ATXN1: variants seen among roughly 807,000 people sequenced by gnomAD.
The protein encoded by ATXN1 is ataxin 1.
ATXN1 carries 8 observed loss-of-function variants against 56.4 expected under a neutral mutation model. That is an observed-to-expected ratio of 0.14 (90% CI 0.08 to 0.26). ATXN1 has a LOEUF of 0.26. Among genes scored for constraint, ATXN1 ranks in the 10% least tolerant of loss-of-function variants. The pLI is 1.00. For missense variants in ATXN1, 987 were observed against 1,106.5 expected (o/e 0.89, Z 1.53); for synonymous variants, 514 against 494.6 (o/e 1.04, Z -0.52).
At chr6:16,566,014 C>T (rs139083950) in intron 4 of ATXN1, among the ~76,000 whole-genome samples, 27 of 152,102 alleles carry the variant, frequency 1.8e-4, no homozygotes, top group African/African-American at 6.3e-4. Context: ...AACTGCATGA[C>T]TCTGGATGGT....
At chr6:16,642,928 T>C (rs6928290) in intron 3 of ATXN1, among the ~76,000 whole-genome samples, 9,091 of 152,320 alleles carry the variant, frequency 0.06, 515 homozygotes, top group African/African-American at 0.14. Flanking sequence ...TGTGATTTGC[T>C]GTATTGCAAT....
At chr6:16,364,155 C>T (rs960366106) in intron 6 of ATXN1, among the ~76,000 whole-genome samples, 10 of 151,696 alleles carry the variant, frequency 6.6e-5, no homozygotes, top group African/African-American at 2.4e-4. Flanking sequence ...ATTTTCATTA[C>T]ACTAAACCAT....
chr6:16,300,310 G>A lies in ATXN1; in HGVS notation c.*6019C>T, dbSNP rs1421238157. 6.6e-6 allele frequency: 1 copy of A among 152,580 alleles called. No individual in the cohort carries two copies. Among genetic ancestry groups the A allele is most frequent in the African/African-American group, 2.4e-5 (1 of 41,418 alleles). 9.5% of individuals were successfully genotyped at this position (152,580 alleles called of 1,614,324 possible). A position where few individuals can be genotyped will look rare whatever the true frequency, so the allele number is the denominator to read the frequency against. ...AAATGCACTTAATTTTAATACAGTT[G>A]AACCATTTGTATGCAAGTCATGGGG... On this transcript the variant is annotated 3_prime_UTR_variant, in exon 8 of 8. Coordinates refer to ENST00000436367, the MANE Select transcript of ATXN1 (RefSeq NM_001128164.2).
At chr6:16,345,578 G>A (rs1761363835) in intron 6 of ATXN1, among the ~76,000 whole-genome samples, 2 of 152,150 alleles carry the variant, frequency 1.3e-5, no homozygotes, top group East Asian at 1.9e-4. Flanking sequence ...ACTCACACTC[G>A]GTGAATGGGT....
At chr6:16,431,290 T>C (rs190876010) in intron 6 of ATXN1, among the ~76,000 whole-genome samples, 5 of 152,272 alleles carry the variant, frequency 3.3e-5, no homozygotes, top group Non-Finnish European at 5.9e-5. Flanking sequence ...ATACCACCAA[T>C]TGAGAGAACA....
intron 6 of ATXN1, among the ~76,000 whole-genome samples, chr6:16,439,899 A>AC (rs34280987): frequency 0.02 from 3,015 of 151,766 alleles, 54 homozygotes; most frequent in Non-Finnish European, 0.029. Flanking sequence ...ACATGGTGAA[A>AC]CCCCATCTTT....
intron 2 of ATXN1, among the ~76,000 whole-genome samples, chr6:16,689,316 G>T (rs1446411554): frequency 6.6e-6 from 1 of 151,674 alleles, no homozygotes; most frequent in Non-Finnish European, 1.5e-5. Flanking sequence ...TTATATTGTT[G>T]TAAGTTTTTA....
intron 7 of ATXN1, among the ~76,000 whole-genome samples, chr6:16,323,525 C>CAAAA (rs35308265): frequency 8.4e-4 from 41 of 48,842 alleles, no homozygotes; most frequent in African/African-American, 1.3e-3. Context: ...ACTCTGTCTC[C>CAAAA]AAAAAAAAAA....
intron 1 of ATXN1, among the ~76,000 whole-genome samples, chr6:16,756,174 C>G (rs540487524): frequency 6.6e-6 from 1 of 151,928 alleles, no homozygotes; most frequent in African/African-American, 2.4e-5. Flanking sequence ...AAAAAACTTT[C>G]CATAAGATTT....
chr6:16,332,188 C>G (rs1020561109), intron 6 of ATXN1, among the ~76,000 whole-genome samples: 1 of 152,156 alleles, frequency 6.6e-6, no homozygotes, highest in African/African-American at 2.4e-5. Flanking sequence ...CTCTCTAACG[C>G]TGAGGTATGT....
chr6:16,461,586 T>C (rs1460504284), intron 6 of ATXN1, among the ~76,000 whole-genome samples: 2 of 152,218 alleles, frequency 1.3e-5, no homozygotes. Flanking sequence ...CAATACTTGT[T>C]GGTCTGTGTT....
intron 2 of ATXN1, among the ~76,000 whole-genome samples, chr6:16,709,620 G>A (rs1759481294): frequency 6.6e-6 from 1 of 151,936 alleles, no homozygotes; most frequent in Non-Finnish European, 1.5e-5. Context: ...ATTTCACTGT[G>A]GAATTTCATC....
intron 6 of ATXN1, among the ~76,000 whole-genome samples, chr6:16,334,360 G>A (rs978515574): frequency 6.6e-6 from 1 of 152,066 alleles, no homozygotes; most frequent in East Asian, 1.9e-4. Flanking sequence ...AGCCCAGAAA[G>A]TTTTTGTTTG....
intron 2 of ATXN1, among the ~76,000 whole-genome samples, chr6:16,674,926 T>C (rs1272680445): frequency 6.6e-6 from 1 of 152,220 alleles, no homozygotes; most frequent in Non-Finnish European, 1.5e-5. Context: ...AAAGATCCTG[T>C]TTTGTGTAGT....
rs932819235 is a variant in ATXN1, at chr6:16,761,284, A to G, written c.-730+14T>C. On this transcript the variant is annotated intron_variant, in intron 1 of 7. Transcript: ENST00000436367. ...GGGAAAGAATCGGAGGAGGAAAAAAAAATAGTCACTTACTGTAAAGTGTAA... is the reference window on the plus strand; with the variant it reads ...GGGAAAGAATCGGAGGAGGAAAAAAGAATAGTCACTTACTGTAAAGTGTAA... 5 of 451,282 alleles carry G rather than the reference A, an allele frequency of 1.1e-5. No individual in the cohort carries two copies. The highest frequency in any genetic ancestry group is 1.0e-4 in the African/African-American group (5 of 49,556). 28.0% of individuals were successfully genotyped at this position (451,282 alleles called of 1,614,324 possible).
In ATXN1 at chr6:16,326,859, G is replaced by A. The variant is rs1760819952; in HGVS notation, c.1452C>T (p.Ile484=). Residue 484 remains isoleucine (I), a synonymous_variant, in exon 7 of 8, where the codon ATC becomes ATT. Transcript: ENST00000436367. This position sits in a 1 kb window ranked among gnomAD's most constrained non-coding sequence, Gnocchi z 6.6. The stretch of plus-strand genomic sequence containing the variant: ...GGATGAGCAGGGGCTGTGTGCCGGG[G>A]ATCACCAGGTGCTGGGGCAGGCTGC... ...YAGSLPQHLV[I]PGTQPLLIPV... is the part of the protein sequence containing the mutation. The A allele has an allele frequency of 6.2e-7, 1 of 1,609,850 alleles. No individual in the cohort carries two copies. The highest frequency in any genetic ancestry group is 1.3e-5 in the African/African-American group (1 of 74,860).
At chr6:16,688,016 G>A (rs1758956225) in intron 2 of ATXN1, among the ~76,000 whole-genome samples, 1 of 152,160 alleles carries the variant, frequency 6.6e-6, no homozygotes, top group Non-Finnish European at 1.5e-5. Context: ...AGTTCACGGA[G>A]GGCCCTCCTG....
Position 16,453,244 on chromosome 6 carries a change from A to C in ATXN1, c.-161+32728T>G, listed in dbSNP as rs12524796. Reference sequence around the variant, plus strand: ...GGGATGCCGAGGCGGGTGGATCACAAGGTCAGGAGATCGAGACCATCCTGG... The same window carrying C: ...GGGATGCCGAGGCGGGTGGATCACACGGTCAGGAGATCGAGACCATCCTGG... On this transcript the variant is annotated intron_variant, in intron 6 of 7. Transcript: ENST00000436367. Among the ~76,000 whole-genome samples, 722 of 152,260 alleles carry C rather than the reference A, an allele frequency of 4.7e-3. 20 individuals carry two copies. The East Asian group carries it at 0.056, about 12-fold the overall frequency.
chr6:16,512,273 C>T (rs1249575063), intron 5 of ATXN1, among the ~76,000 whole-genome samples: 1 of 152,192 alleles, frequency 6.6e-6, no homozygotes, highest in Non-Finnish European at 1.5e-5. Context: ...GTAAATAACT[C>T]CTACAGAAGA....
Sources: gnomAD v4.1 joint callset for allele counts (sites outside exome capture counted in the v4.1 genomes callset) on GRCh38, gnomAD v4.1.1 for gene constraint, Gnocchi (gnomAD v3.1) non-coding constraint, MANE v1.5 for transcripts, NCBI Gene and HGNC (gene_info 2026-07-23, HGNC 2026-07-21) for gene names.